Variants in LYPD6B observed in about 807,000 individuals in gnomAD.
LYPD6B encodes the protein ly6/PLAUR domain-containing protein 6B.
In LYPD6B, 17 loss-of-function variants were observed where a neutral mutation model predicts 22.8. That is an observed-to-expected ratio of 0.75 (90% CI 0.51 to 1.12). The LOEUF is 1.12. Ranked by LOEUF, LYPD6B falls within the 50% of genes most tolerant of loss-of-function variation. The probability of loss-of-function intolerance (pLI) is 0.00; values close to 1 mark genes in which losing one functional copy is unlikely to be tolerated. For missense variants in LYPD6B, 221 were observed against 258.3 expected (o/e 0.86, Z 0.99); for synonymous variants, 106 against 91.6 (o/e 1.16, Z -0.90).
intron 1 of LYPD6B, among the ~76,000 whole-genome samples, chr2:149,077,014 T>C (rs1259954821): frequency 2.0e-5 from 3 of 152,178 alleles, no homozygotes. Flanking sequence ...GCAGGGTTTG[T>C]AGCCCCGCAG....
At chr2:149,101,129 C>T (rs1473186586) in intron 1 of LYPD6B, 2 of 152,268 alleles carry the variant, frequency 1.3e-5, no homozygotes, top group East Asian at 1.9e-4. Flanking sequence ...AGGCATACCT[C>T]CAAATTCAGC....
At chr2:149,101,512 A>C (rs1159105742) in intron 1 of LYPD6B, 1 of 152,274 alleles carries the variant, frequency 6.6e-6, no homozygotes, top group Non-Finnish European at 1.5e-5. Flanking sequence ...GTGTCTATTG[A>C]TCACTGCCCA....
Position 149,214,888 on chromosome 2 carries a change from T to C in LYPD6B, c.*178T>C. On this transcript the variant is annotated 3_prime_UTR_variant, in exon 7 of 7. Coordinates refer to ENST00000409642, the MANE Select transcript of LYPD6B (RefSeq NM_177964.5). ...ATGTTCCCGCATGAGGCCACAGGAC[T>C]GAGGATGGGAATTTGGCAGGGCCTG... 1.5e-6 allele frequency: 1 copy of C among 662,150 alleles called. No homozygotes were observed. Among genetic ancestry groups the C allele is most frequent in the South Asian group, 1.9e-5 (1 of 52,972 alleles). 41.0% of individuals were successfully genotyped at this position (662,150 alleles called of 1,614,324 possible).
At chr2:149,072,011 A>C (rs1376074327) in intron 1 of LYPD6B, among the ~76,000 whole-genome samples, 1 of 152,036 alleles carries the variant, frequency 6.6e-6, no homozygotes, top group African/African-American at 2.4e-5. Context: ...ATTTCACTAC[A>C]ACCTCTGCCT....
rs1453649127 is a variant in LYPD6B, at chr2:149,120,303, ATATATATGTG to A, written c.-66-10572_-66-10563del. Among the ~76,000 whole-genome samples, 186 of 132,360 alleles carry A rather than the reference ATATATATGTG, an allele frequency of 1.4e-3. 1 individual carries two copies. The highest frequency in any genetic ancestry group is 0.011 in the Middle Eastern group (3 of 268). The allele number at this position is 132,360 out of a possible 152,430, so 86.8% of individuals were successfully genotyped here. On this transcript the variant is annotated intron_variant, in intron 1 of 6. Coordinates refer to ENST00000409642, the MANE Select transcript of LYPD6B (RefSeq NM_177964.5). ...GGGACATGCATGTATATACACATAT[ATATATATGTG>A]TATATATATGTGTATATATATATGT...
At chr2:149,051,955 G>T (rs539197562) in intron 1 of LYPD6B, among the ~76,000 whole-genome samples, 1 of 152,104 alleles carries the variant, frequency 6.6e-6, no homozygotes, top group African/African-American at 2.4e-5. Flanking sequence ...TTAAGGCTTT[G>T]GATATATATT....
At chr2:149,196,908 G>A (rs965943250) in intron 3 of LYPD6B, among the ~76,000 whole-genome samples, 2 of 152,140 alleles carry the variant, frequency 1.3e-5, no homozygotes, top group Non-Finnish European at 2.9e-5. Context: ...TCAACTGAAT[G>A]CCACGTATTA....
intron 3 of LYPD6B, among the ~76,000 whole-genome samples, chr2:149,173,562 T>G (rs184157678): frequency 6.6e-6 from 1 of 152,106 alleles, no homozygotes; most frequent in African/African-American, 2.4e-5. Context: ...ACTCATCTAT[T>G]AAAAAAATTA....
chr2:149,088,932 A>G (rs1685520861), intron 1 of LYPD6B, among the ~76,000 whole-genome samples: 1 of 152,158 alleles, frequency 6.6e-6, no homozygotes, highest in Non-Finnish European at 1.5e-5. Context: ...AGTGGGGGCT[A>G]AAAGCACAGT....
chr2:149,046,811 GTTA>G (rs1455655683), intron 1 of LYPD6B, among the ~76,000 whole-genome samples: 2 of 151,940 alleles, frequency 1.3e-5, no homozygotes, highest in African/African-American at 2.4e-5. Context: ...TTGTGCTATT[GTTA>G]TTATCATTTT....
chr2:149,128,679 A>C (rs1351152484), intron 1 of LYPD6B, among the ~76,000 whole-genome samples: 3 of 152,208 alleles, frequency 2.0e-5, no homozygotes. Flanking sequence ...CCTAAATTTT[A>C]TCTCTCAAAA....
chr2:149,150,955 T>G (rs406225), intron 2 of LYPD6B, among the ~76,000 whole-genome samples: 98,639 of 151,912 alleles, frequency 0.65, 32,202 homozygotes, highest in South Asian at 0.76. Flanking sequence ...AGTCCTACCC[T>G]ATTCTCATTA....
At chr2:149,133,380 A>G (rs144886904) in intron 2 of LYPD6B, among the ~76,000 whole-genome samples, 114 of 152,344 alleles carry the variant, frequency 7.5e-4, no homozygotes, top group African/African-American at 2.6e-3. Context: ...ATTGATAATT[A>G]GTGGATCTTA....
intron 1 of LYPD6B, among the ~76,000 whole-genome samples, chr2:149,072,165 C>T (rs2105360571): frequency 6.6e-6 from 1 of 152,332 alleles, no homozygotes; most frequent in Non-Finnish European, 1.5e-5. Flanking sequence ...CTCCTGATCT[C>T]AAGTGATCTG....
At chr2:149,099,141 G>A (rs1484304494) in intron 1 of LYPD6B, among the ~76,000 whole-genome samples, 1 of 152,166 alleles carries the variant, frequency 6.6e-6, no homozygotes, top group Non-Finnish European at 1.5e-5. Context: ...GAGGGACACA[G>A]GCACTTGTCT....
At chr2:149,144,322 G>C (rs1688879496) in intron 2 of LYPD6B, among the ~76,000 whole-genome samples, 1 of 152,116 alleles carries the variant, frequency 6.6e-6, no homozygotes, top group Non-Finnish European at 1.5e-5. Context: ...GACTTTTTTG[G>C]CATTTCTGTC....
intron 3 of LYPD6B, among the ~76,000 whole-genome samples, chr2:149,171,517 T>C (rs1405621935): frequency 1.4e-5 from 2 of 146,720 alleles, no homozygotes; most frequent in African/African-American, 4.9e-5. Flanking sequence ...AGAGCTCTTT[T>C]TTGAAGTCTG....
chr2:149,166,132 A>G (rs561377818), intron 3 of LYPD6B, among the ~76,000 whole-genome samples: 1 of 152,230 alleles, frequency 6.6e-6, no homozygotes, highest in South Asian at 2.1e-4. Context: ...GTAGCCTCTT[A>G]TTTTTTGGTT....
intron 1 of LYPD6B, among the ~76,000 whole-genome samples, chr2:149,075,904 G>A (rs1323568325): frequency 2.6e-5 from 4 of 152,218 alleles, no homozygotes; most frequent in Admixed American, 6.5e-5. Context: ...TGGTGGATGA[G>A]TAAAAACATG....
Sources: gnomAD v4.1 joint callset for allele counts (sites outside exome capture counted in the v4.1 genomes callset) on GRCh38, gnomAD v4.1.1 for gene constraint, MANE v1.5 for transcripts, NCBI Gene and HGNC (gene_info 2026-07-23, HGNC 2026-07-21) for gene names.